The following IMMP2L variants were observed in gnomAD, a reference collection of about 807,000 sequenced individuals.
IMMP2L encodes the protein inner mitochondrial membrane peptidase subunit 2.
IMMP2L carries 18 observed loss-of-function variants against 19.3 expected under a neutral mutation model. The observed-to-expected ratio is 0.93, with a 90% CI of 0.64 to 1.38. The LOEUF (loss-of-function observed/expected upper bound fraction) is 1.38, where lower values mean the gene tolerates loss of function less well. IMMP2L is among the 40% of genes most tolerant of loss of function. The pLI, the probability that IMMP2L is intolerant of heterozygous loss-of-function variation, is 0.00. For synonymous variants in IMMP2L, 76 were observed against 73.0 expected (o/e 1.04, Z -0.21); for missense variants, 233 against 218.2 (o/e 1.07, Z -0.43).
At chr7:111,154,550 A>T (rs1039031157) in intron 3 of IMMP2L, among the ~76,000 whole-genome samples, 4 of 152,284 alleles carry the variant, frequency 2.6e-5, no homozygotes, top group African/African-American at 9.6e-5. Flanking sequence ...GTAAAAAGAA[A>T]ATAGTGACGG....
intron 2 of IMMP2L, among the ~76,000 whole-genome samples, chr7:111,503,273 G>C (rs1480828330): frequency 6.6e-6 from 1 of 152,086 alleles, no homozygotes; most frequent in Non-Finnish European, 1.5e-5. Flanking sequence ...AAACCAGGAA[G>C]AAGCTGAATC....
chr7:111,376,279 T>C (rs1563117461), intron 3 of IMMP2L, among the ~76,000 whole-genome samples: 1 of 152,092 alleles, frequency 6.6e-6, no homozygotes, highest in East Asian at 1.9e-4. Context: ...TTAAAATACA[T>C]ATGTGGCCAA....
intron 1 of IMMP2L, among the ~76,000 whole-genome samples, chr7:111,535,141 A>G (rs1183634765): frequency 6.6e-6 from 1 of 152,138 alleles, no homozygotes; most frequent in African/African-American, 2.4e-5. Context: ...TTTCTTTATA[A>G]GCCCTAAAAT....
intron 3 of IMMP2L, among the ~76,000 whole-genome samples, chr7:111,464,347 G>A (rs1840414647): frequency 6.6e-6 from 1 of 152,104 alleles, no homozygotes; most frequent in African/African-American, 2.4e-5. Context: ...GCCATGCATG[G>A]TAGTGTTGAC....
At chr7:111,286,750 G>C (rs1276056517) in intron 3 of IMMP2L, among the ~76,000 whole-genome samples, 1 of 152,088 alleles carries the variant, frequency 6.6e-6, no homozygotes, top group East Asian at 1.9e-4. Flanking sequence ...CATGTGGAGA[G>C]TACCCCACTC....
intron 5 of IMMP2L, 30 bp downstream of exon 5, chr7:110,886,563 A>T: frequency 8.2e-7 from 1 of 1,223,818 alleles, no homozygotes; most frequent in Non-Finnish European, 1.2e-6. Context: ...AAATCCAATT[A>T]CATCAACAAG....
rs962202231 is a variant in IMMP2L, at chr7:111,365,767, T to G, written c.239+121471A>C. 3.3e-5 allele frequency among the ~76,000 whole-genome samples: 5 copies of G among 152,080 alleles called. No homozygotes were observed. In the East Asian group the frequency reaches 7.7e-4, roughly 23 times the overall value. On this transcript the variant is annotated intron_variant, in intron 3 of 5. Coordinates refer to ENST00000405709, the MANE Select transcript of IMMP2L (RefSeq NM_032549.4). ...CCTCACCAAAAAGAATCATGGCTTC[T>G]GGAGAAATGGCTAGCTTCAGGGCTA...
chr7:111,149,628 T>G (rs1444299345), intron 3 of IMMP2L, among the ~76,000 whole-genome samples: 1 of 152,172 alleles, frequency 6.6e-6, no homozygotes, highest in Non-Finnish European at 1.5e-5. Flanking sequence ...TTTATTCAAA[T>G]TGTTGCAAAT....
At chr7:111,297,950 G>T (rs563064706) in intron 3 of IMMP2L, among the ~76,000 whole-genome samples, 13 of 152,104 alleles carry the variant, frequency 8.5e-5, no homozygotes, top group Middle Eastern at 3.4e-3. Flanking sequence ...TCACATCTTG[G>T]GGTGAAGGGA....
At chr7:111,034,521 T>C (rs967214762) in intron 3 of IMMP2L, among the ~76,000 whole-genome samples, 3 of 152,114 alleles carry the variant, frequency 2.0e-5, no homozygotes, top group Non-Finnish European at 2.9e-5. Flanking sequence ...TTTTCCTCTA[T>C]ATTTATCTAT....
intron 3 of IMMP2L, among the ~76,000 whole-genome samples, chr7:111,137,568 A>G (rs1346880203): frequency 6.6e-6 from 1 of 152,198 alleles, no homozygotes; most frequent in Non-Finnish European, 1.5e-5. Context: ...TAAGCCAAGA[A>G]GCAGAGCAAA....
intron 4 of IMMP2L, among the ~76,000 whole-genome samples, chr7:110,960,257 C>T (rs1818793438): frequency 2.0e-5 from 3 of 151,864 alleles, no homozygotes; most frequent in African/African-American, 7.3e-5. Flanking sequence ...GTTTTTAGTA[C>T]AGTATGTTCA....
At chr7:110,706,244 G>A (rs893615760) in intron 5 of IMMP2L, among the ~76,000 whole-genome samples, 14 of 152,136 alleles carry the variant, frequency 9.2e-5, no homozygotes, top group East Asian at 3.9e-4. Context: ...CTGGGACTAT[G>A]AGCATGTGCC....
At chr7:111,430,024 T>A (rs967844650) in intron 3 of IMMP2L, among the ~76,000 whole-genome samples, 7 of 151,852 alleles carry the variant, frequency 4.6e-5, no homozygotes, top group African/African-American at 1.7e-4. Flanking sequence ...GTAGTTTAGT[T>A]CCCTTTCAGT....
chr7:111,441,345 G>C (rs1837694265), intron 3 of IMMP2L, among the ~76,000 whole-genome samples: 1 of 151,678 alleles, frequency 6.6e-6, no homozygotes, highest in Non-Finnish European at 1.5e-5. Context: ...CCTTTTACTT[G>C]CACACTTGCC....
intron 4 of IMMP2L, among the ~76,000 whole-genome samples, chr7:110,920,662 A>C (rs1381106213): frequency 6.6e-6 from 1 of 152,198 alleles, no homozygotes; most frequent in Non-Finnish European, 1.5e-5. Context: ...CCAAGCTTCT[A>C]TGTATCATTA....
intron 3 of IMMP2L, among the ~76,000 whole-genome samples, chr7:111,423,707 G>A (rs1835804042): frequency 6.6e-6 from 1 of 151,022 alleles, no homozygotes; most frequent in Non-Finnish European, 1.5e-5. Context: ...GAGAAAGCAG[G>A]AAAGATCTAA....
chr7:110,940,594 G>A (rs1026942085), intron 4 of IMMP2L, among the ~76,000 whole-genome samples: 1 of 152,080 alleles, frequency 6.6e-6, no homozygotes, highest in Non-Finnish European at 1.5e-5. Context: ...GGCAGCTATG[G>A]AAACTTGGGA....
At chr7:111,278,185 T>C (rs1584414948) in intron 3 of IMMP2L, among the ~76,000 whole-genome samples, 2 of 152,306 alleles carry the variant, frequency 1.3e-5, no homozygotes, top group Admixed American at 1.3e-4. Context: ...ACACAACACA[T>C]ACATGTAAAA....
Sources: gnomAD v4.1 joint callset for allele counts (sites outside exome capture counted in the v4.1 genomes callset) on GRCh38, gnomAD v4.1.1 for gene constraint, MANE v1.5 for transcripts, NCBI Gene and HGNC (gene_info 2026-07-23, HGNC 2026-07-21) for gene names.